ZPBP: variants seen among roughly 807,000 people sequenced by gnomAD.
ZPBP encodes the protein zona pellucida binding protein.
In ZPBP, 26 loss-of-function variants were observed where a neutral mutation model predicts 44.8. The ratio of observed to expected loss-of-function variants is 0.58; its 90% CI spans 0.43 to 0.81. ZPBP has a LOEUF of 0.81. ZPBP is among the 30% of genes least tolerant of loss of function. The pLI is 0.00. For missense variants in ZPBP, 409 were observed against 434.0 expected (o/e 0.94, Z 0.51); for synonymous variants, 174 against 153.2 (o/e 1.14, Z -1.00).
At chr7:49,975,346 TC>T (rs1413449712) in intron 7 of ZPBP, among the ~76,000 whole-genome samples, 3 of 152,108 alleles carry the variant, frequency 2.0e-5, no homozygotes, top group Admixed American at 2.0e-4. Flanking sequence ...TTGGTACACT[TC>T]CCAGTGCTGT....
intron 2 of ZPBP, among the ~76,000 whole-genome samples, chr7:49,877,098 G>A: frequency 6.6e-6 from 1 of 152,084 alleles, no homozygotes; most frequent in Non-Finnish European, 1.5e-5. Flanking sequence ...GTAGTGGTGT[G>A]AGAATCAAGT....
At chr7:50,081,953 T>G (rs2084159733) in intron 2 of ZPBP, 54 bp from the exon 3 acceptor site, 1 of 1,586,556 alleles carries the variant, frequency 6.3e-7, no homozygotes. Context: ...CTTTTCTTTC[T>G]CTATAATGTA....
At chr7:50,039,746 TC>T (rs1799979322) in intron 4 of ZPBP, among the ~76,000 whole-genome samples, 1 of 152,148 alleles carries the variant, frequency 6.6e-6, no homozygotes, top group Non-Finnish European at 1.5e-5. Context: ...TCCTCTCCTT[TC>T]TACTCTCAGC....
intron 1 of ZPBP, 46 bp downstream of exon 1, chr7:50,093,022 G>T (rs1257607341): frequency 6.3e-7 from 1 of 1,574,992 alleles, no homozygotes; most frequent in Non-Finnish European, 8.6e-7. Flanking sequence ...AGTGGGGGAA[G>T]CTGCGGTTGT....
At chr7:49,987,731 TG>T (rs1797365938) in intron 6 of ZPBP, among the ~76,000 whole-genome samples, 1 of 1,056 alleles carries the variant, frequency 9.5e-4, no homozygotes, top group African/African-American at 2.9e-3. Context: ...ATATGTGTTG[TG>T]TGTGTGTGTG....
rs146953764 is a variant in ZPBP at position 50,077,636 on chromosome 7, T to C, written c.334+4138A>G. Among the ~76,000 whole-genome samples, 760 of 152,042 alleles carry C rather than the reference T, an allele frequency of 5.0e-3. 17 individuals carry two copies. In the South Asian group the frequency reaches 0.068, roughly 14 times the overall value. The stretch of plus-strand genomic sequence containing the variant: ...GACATTCAAATGGCAAACAGGCCTA[T>C]GAAATGGTGCTCAACATCACTAATC... On this transcript the variant is annotated intron_variant, in intron 3 of 7. Transcript: ENST00000046087.
chr7:49,963,837 C>T (rs1795952880), intron 7 of ZPBP, among the ~76,000 whole-genome samples: 1 of 151,506 alleles, frequency 6.6e-6, no homozygotes, highest in Non-Finnish European at 1.5e-5. Flanking sequence ...CTTATTTTTT[C>T]AGAATACAGA....
chr7:49,863,081 A>C (rs1307254639), intron 2 of ZPBP, among the ~76,000 whole-genome samples: 2 of 152,166 alleles, frequency 1.3e-5, no homozygotes, highest in Non-Finnish European at 2.9e-5. Context: ...TCACCAGTGA[A>C]ACCATCTGGT....
intron 1 of ZPBP, among the ~76,000 whole-genome samples, chr7:49,930,252 G>A (rs1204649518): frequency 6.6e-6 from 1 of 152,160 alleles, no homozygotes; most frequent in Non-Finnish European, 1.5e-5. Context: ...AGGGCCCTCA[G>A]GATCTTGCCA....
At chr7:49,848,778 C>A (rs141156945), downstream of ZPBP, among the ~76,000 whole-genome samples, 199 of 152,274 alleles carry the variant, frequency 1.3e-3, no homozygotes, top group African/African-American at 4.5e-3. Flanking sequence ...GGTAACTGTT[C>A]TTTGGCCCTT....
At chr7:49,852,027 G>A (rs987993665) in intron 2 of ZPBP, among the ~76,000 whole-genome samples, 4 of 152,140 alleles carry the variant, frequency 2.6e-5, no homozygotes, top group South Asian at 4.1e-4. Flanking sequence ...CCTAGGGTCC[G>A]GATTTAATCC....
At chr7:49,966,723 A>G (rs894214444) in intron 7 of ZPBP, among the ~76,000 whole-genome samples, 2 of 152,200 alleles carry the variant, frequency 1.3e-5, no homozygotes, top group African/African-American at 4.8e-5. Flanking sequence ...AAAAGACACA[A>G]ACAATCAAAA....
chr7:50,018,539 AC>A (rs1167679654), intron 5 of ZPBP, among the ~76,000 whole-genome samples: 1 of 152,112 alleles, frequency 6.6e-6, no homozygotes, highest in Non-Finnish European at 1.5e-5. Context: ...GAATTAATCA[AC>A]TTTCCTGATA....
chr7:49,949,129 T>G (rs953047830), intron 7 of ZPBP, among the ~76,000 whole-genome samples: 1 of 152,082 alleles, frequency 6.6e-6, no homozygotes, highest in South Asian at 2.1e-4. Flanking sequence ...GGAAAAGCCA[T>G]GTAAGGACAA....
downstream of ZPBP, among the ~76,000 whole-genome samples, chr7:49,848,827 A>C (rs1442368017): frequency 6.6e-6 from 1 of 152,248 alleles, no homozygotes. Flanking sequence ...ACACTTTTAT[A>C]GTATAGTCAA....
intron 7 of ZPBP, among the ~76,000 whole-genome samples, chr7:49,948,044 A>G (rs1795177434): frequency 6.6e-6 from 1 of 152,226 alleles, no homozygotes; most frequent in South Asian, 2.1e-4. Flanking sequence ...AAGGCCCTTC[A>G]GTCAGCTTGT....
intron 2 of ZPBP, among the ~76,000 whole-genome samples, chr7:50,087,587 C>T (rs1333539545): frequency 6.6e-6 from 1 of 151,890 alleles, no homozygotes; most frequent in Admixed American, 6.6e-5. Context: ...ATCGGTTTTA[C>T]ACAACATCAG....
At chr7:49,900,486 T>G (rs775122008) in intron 2 of ZPBP, among the ~76,000 whole-genome samples, 6 of 151,512 alleles carry the variant, frequency 4.0e-5, no homozygotes, top group Non-Finnish European at 7.4e-5. Context: ...TCATTACAGA[T>G]CCCATGGACA....
chr7:49,911,122 C>T (rs138218039), intron 1 of ZPBP, among the ~76,000 whole-genome samples: 62 of 152,252 alleles, frequency 4.1e-4, no homozygotes, highest in African/African-American at 1.4e-3. Context: ...ATTAATTAAA[C>T]GAAATGGCTG....
Sources: allele counts gnomAD v4.1 joint callset (sites outside exome capture counted in the v4.1 genomes callset), GRCh38; gene constraint gnomAD v4.1.1; transcripts MANE v1.5; gene names NCBI Gene and HGNC (gene_info 2026-07-23, HGNC 2026-07-21).